The following RIC1 variants were observed in gnomAD, a reference collection of about 807,000 sequenced individuals.
RIC1 encodes guanine nucleotide exchange factor subunit RIC1.
A neutral mutation model predicts 169.0 loss-of-function variants in RIC1; 88 were observed. The ratio of observed to expected loss-of-function variants is 0.52; its 90% CI spans 0.44 to 0.62. The LOEUF is 0.62. RIC1 is among the 20% of genes least tolerant of loss of function. RIC1 has a pLI of 0.00. For synonymous variants in RIC1, 790 were observed against 601.5 expected, an observed-to-expected ratio of 1.31 and a Z score of -4.59; for missense variants, 1,877 against 1,725.5, an observed-to-expected ratio of 1.09 and a Z score of -1.56.
chr9:5,726,250 A>C (rs1345707953), intron 6 of RIC1, among the ~76,000 whole-genome samples: 1 of 152,186 alleles, frequency 6.6e-6, no homozygotes, highest in Non-Finnish European at 1.5e-5. Context: ...TATTGGGTGC[A>C]TATATATTTA....
chr9:5,716,411 G>A (rs1445634535), intron 4 of RIC1, among the ~76,000 whole-genome samples: 1 of 152,102 alleles, frequency 6.6e-6, no homozygotes, highest in Non-Finnish European at 1.5e-5. Flanking sequence ...TCAGGAGTTT[G>A]AGACCAGCCT....
At chr9:5,747,620 T>C (rs1171602977) in intron 12 of RIC1, 115 bp downstream of exon 12, 1 of 886,970 alleles carries the variant, frequency 1.1e-6, no homozygotes, top group African/African-American at 1.7e-5. Context: ...CTTTTAACCA[T>C]TTTGTCATGT....
intron 7 of RIC1, among the ~76,000 whole-genome samples, chr9:5,737,039 A>C (rs547398769): frequency 1.4e-4 from 21 of 152,184 alleles, no homozygotes; most frequent in African/African-American, 4.8e-4. Flanking sequence ...ATTATGTGCA[A>C]AAGCATTCTT....
At chr9:5,643,605 A>G (rs1295751480) in intron 1 of RIC1, among the ~76,000 whole-genome samples, 1 of 152,202 alleles carries the variant, frequency 6.6e-6, no homozygotes, top group Non-Finnish European at 1.5e-5. Flanking sequence ...GTGCTTAAAA[A>G]TAAACTAGCA....
intron 1 of RIC1, among the ~76,000 whole-genome samples, chr9:5,638,378 C>T (rs555374851): frequency 3.1e-4 from 47 of 152,260 alleles, no homozygotes; most frequent in African/African-American, 9.6e-4. Flanking sequence ...TTTAGAAGTA[C>T]TCCCTCCTCC....
intron 6 of RIC1, among the ~76,000 whole-genome samples, chr9:5,725,852 A>G (rs556308038): frequency 6.6e-6 from 1 of 152,178 alleles, no homozygotes; most frequent in South Asian, 2.1e-4. Context: ...GTTCAGTTTC[A>G]TGTAGTTGAG....
chr9:5,778,239 A>G (rs950345573), downstream of RIC1, among the ~76,000 whole-genome samples: 8 of 152,340 alleles, frequency 5.3e-5, no homozygotes, highest in South Asian at 2.1e-4. Flanking sequence ...TATAAATACA[A>G]TTGCTTCTGT....
intron 8 of RIC1, among the ~76,000 whole-genome samples, chr9:5,740,517 C>T (rs112305420): frequency 0.097 from 14,675 of 151,464 alleles, 2,350 homozygotes; most frequent in African/African-American, 0.33. Context: ...ATCACATGAT[C>T]ACAAGGTCCC....
intron 4 of RIC1, among the ~76,000 whole-genome samples, chr9:5,717,554 G>A (rs915246423): frequency 6.6e-6 from 1 of 152,116 alleles, no homozygotes; most frequent in Non-Finnish European, 1.5e-5. Flanking sequence ...TAAAAGTTCA[G>A]TTCTTGCAGG....
chr9:5,658,140 A>G (rs1819216782), intron 2 of RIC1, among the ~76,000 whole-genome samples: 2 of 152,142 alleles, frequency 1.3e-5, no homozygotes, highest in South Asian at 4.1e-4. Flanking sequence ...ATTCTAGTAC[A>G]TACTCATGTC....
At chr9:5,745,131 C>G (rs1825302809) in intron 10 of RIC1, among the ~76,000 whole-genome samples, 1 of 152,172 alleles carries the variant, frequency 6.6e-6, no homozygotes, top group Non-Finnish European at 1.5e-5. Context: ...CCAGTGTTGT[C>G]CGTCTCACTA....
chr9:5,690,647 A>G (rs1821542223), intron 3 of RIC1, among the ~76,000 whole-genome samples: 1 of 151,806 alleles, frequency 6.6e-6, no homozygotes, highest in African/African-American at 2.4e-5. Flanking sequence ...GAAGATATCC[A>G]AAGTTTAATA....
intron 2 of RIC1, among the ~76,000 whole-genome samples, chr9:5,681,073 G>A (rs1223847536): frequency 7.3e-5 from 11 of 151,520 alleles, no homozygotes; most frequent in African/African-American, 2.7e-4. Context: ...TGATCCGCCC[G>A]CCTCGGCCTC....
Position 5,774,226 on chromosome 9 carries a change from T to G in RIC1, c.4252T>G (p.Tyr1418Asp). Residue 1418 changes from tyrosine (Y) to aspartate (D), a missense_variant, in exon 26 of 26, where the codon TAC (tyrosine) becomes GAC (aspartate). Around this residue, in one of 3 missense-constraint regions of RIC1, gnomAD observed 681 missense variants for 582.0 expected, o/e 1.17. Transcript: ENST00000414202. ...EEEEPFQDGT[Y>D]DCSVS is the part of the protein sequence containing the mutation. ...GGAAGAACCTTTTCAGGATGGGACTTACGACTGTTCTGTGTCCTAACAGTG... is the reference window on the plus strand; with the variant it reads ...GGAAGAACCTTTTCAGGATGGGACTGACGACTGTTCTGTGTCCTAACAGTG... 1.2e-6 allele frequency: 2 copies of G among 1,610,580 alleles called. No individual in the cohort carries two copies. The highest frequency in any genetic ancestry group is 1.7e-6 in the Non-Finnish European group (2 of 1,178,188).
chr9:5,632,894 A>G (rs1182417176), intron 1 of RIC1, among the ~76,000 whole-genome samples: 1 of 152,226 alleles, frequency 6.6e-6, no homozygotes, highest in African/African-American at 2.4e-5. Context: ...AATTAGATGT[A>G]TAGACATTCT....
intron 1 of RIC1, among the ~76,000 whole-genome samples, chr9:5,629,693 C>T (rs559358103): frequency 6.6e-6 from 1 of 152,092 alleles, no homozygotes; most frequent in South Asian, 2.1e-4. Context: ...CTGAGCCTCC[C>T]CGCGTTGGAC....
At chr9:5,754,310 A>G (rs1376189904) in intron 14 of RIC1, among the ~76,000 whole-genome samples, 1 of 152,230 alleles carries the variant, frequency 6.6e-6, no homozygotes, top group Non-Finnish European at 1.5e-5. Context: ...TATAGCACCC[A>G]GTTATTTTTA....
chr9:5,699,300 A>G (rs1822083204), intron 3 of RIC1, among the ~76,000 whole-genome samples: 1 of 152,196 alleles, frequency 6.6e-6, no homozygotes. Context: ...GCATGGCCCC[A>G]GTCTGAGCGA....
chr9:5,740,577 C>G (rs1825019651), intron 8 of RIC1, among the ~76,000 whole-genome samples: 1 of 151,392 alleles, frequency 6.6e-6, no homozygotes. Context: ...GTCCGAGTTC[C>G]AAAACTGAAG....
Sources: gnomAD v4.1 joint callset for allele counts (sites outside exome capture counted in the v4.1 genomes callset) on GRCh38, gnomAD v4.1.1 for gene constraint, gnomAD v4.1.1 regional missense constraint, MANE v1.5 for transcripts, NCBI Gene and HGNC (gene_info 2026-07-23, HGNC 2026-07-21) for gene names.